The following TUSC3 variants were observed in gnomAD, a reference collection of about 807,000 sequenced individuals.
The protein encoded by TUSC3 is tumor suppressor candidate 3.
A neutral mutation model predicts 44.8 loss-of-function variants in TUSC3; 45 were observed. The observed-to-expected ratio is 1.00, with a 90% CI of 0.79 to 1.29. The LOEUF (loss-of-function observed/expected upper bound fraction) is 1.29. TUSC3 is among the 50% of genes most tolerant of loss of function. The pLI is 0.00. For missense variants in TUSC3, 519 were observed against 437.9 expected, an observed-to-expected ratio of 1.19 and a Z score of -1.65; for synonymous variants, 212 against 152.9, an observed-to-expected ratio of 1.39 and a Z score of -2.85.
chr8:15,637,947 A>G (rs1333927203), intron 2 of TUSC3, among the ~76,000 whole-genome samples: 1 of 151,984 alleles, frequency 6.6e-6, no homozygotes, highest in African/African-American at 2.4e-5. Flanking sequence ...TCACTCTATC[A>G]CCAACCCACT....
At chr8:15,580,816 G>T (rs1221334565) in intron 1 of TUSC3, among the ~76,000 whole-genome samples, 11 of 138,022 alleles carry the variant, frequency 8.0e-5, no homozygotes, top group Non-Finnish European at 1.3e-4. Flanking sequence ...TCTTCTCGAG[G>T]AGTATCTTTG....
At chr8:15,791,263 C>T in the TUSC3 span, among the ~76,000 whole-genome samples, 1 of 143,570 alleles carries the variant, frequency 7.0e-6, no homozygotes, top group Admixed American at 7.2e-5. Flanking sequence ...CAACCAGCCT[C>T]TTAGCGCCCC....
the TUSC3 span, among the ~76,000 whole-genome samples, chr8:15,802,045 G>C: frequency 3.3e-5 from 5 of 152,160 alleles, no homozygotes; most frequent in Non-Finnish European, 7.3e-5. Flanking sequence ...AATGGGAGAG[G>C]GTGTGGAGCT....
intron 6 of TUSC3, among the ~76,000 whole-genome samples, chr8:15,707,907 G>A (rs1395714158): frequency 6.6e-6 from 1 of 151,856 alleles, no homozygotes; most frequent in Non-Finnish European, 1.5e-5. Flanking sequence ...TCTTTCTTAG[G>A]TTCTAGTAGT....
At chr8:15,632,338 C>G (rs959542043) in intron 2 of TUSC3, among the ~76,000 whole-genome samples, 2 of 152,028 alleles carry the variant, frequency 1.3e-5, no homozygotes, top group East Asian at 1.9e-4. Flanking sequence ...ATTGTTTCTT[C>G]CTGATTATAT....
intron 1 of TUSC3, among the ~76,000 whole-genome samples, chr8:15,567,066 TTTAAC>T (rs1802705525): frequency 1.3e-5 from 2 of 152,264 alleles, no homozygotes; most frequent in South Asian, 2.1e-4. Flanking sequence ...TCATGGCTCT[TTTAAC>T]TTAGTGATCT....
At chr8:15,627,429 GCTT>G (rs1805566391) in intron 2 of TUSC3, among the ~76,000 whole-genome samples, 1 of 152,254 alleles carries the variant, frequency 6.6e-6, no homozygotes, top group African/African-American at 2.4e-5. Flanking sequence ...TTGTTTGTGT[GCTT>G]CTTTCTTCCT....
At chr8:15,451,848 G>A (rs991855675) in intron 1 of TUSC3, among the ~76,000 whole-genome samples, 1 of 152,048 alleles carries the variant, frequency 6.6e-6, no homozygotes, top group South Asian at 2.1e-4. Flanking sequence ...GTAGAAAATT[G>A]CTTTGTGTGG....
intron 1 of TUSC3, among the ~76,000 whole-genome samples, chr8:15,478,259 C>A (rs1345128979): frequency 6.6e-6 from 1 of 152,044 alleles, no homozygotes; most frequent in Non-Finnish European, 1.5e-5. Context: ...AGTTACCATG[C>A]CTGGCCTTTT....
At chr8:15,750,231 G>C (rs758470230) in intron 9 of TUSC3, among the ~76,000 whole-genome samples, 68 of 151,914 alleles carry the variant, frequency 4.5e-4, no homozygotes, top group Non-Finnish European at 7.8e-4. Flanking sequence ...CACCCACCTC[G>C]GCCTCCCAAA....
Position 15,728,842 on chromosome 8 carries a change from G to A in TUSC3, c.799-1824G>A, listed in dbSNP as rs941258537. Among the ~76,000 whole-genome samples, 11 of 152,170 alleles carry A rather than the reference G, an allele frequency of 7.2e-5. No homozygotes were observed. The East Asian group carries it at 7.7e-4, about 11-fold the overall frequency. Reference sequence around the variant, plus strand: ...AGGAAAGGAACAGCCTTCTCCTTCCGGAGGAGGAGGAGCCAATGAGGTAGA... The same window carrying A: ...AGGAAAGGAACAGCCTTCTCCTTCCAGAGGAGGAGGAGCCAATGAGGTAGA... On this transcript the variant is annotated intron_variant, in intron 6 of 10. Transcript: ENST00000503731.
At chr8:15,673,167 T>C (rs1013188436) in intron 5 of TUSC3, among the ~76,000 whole-genome samples, 1 of 152,136 alleles carries the variant, frequency 6.6e-6, no homozygotes, top group African/African-American at 2.4e-5. Context: ...TTGTCTGATA[T>C]ATTCAGCAGG....
chr8:15,507,229 C>G (rs552691129), intron 2 of TUSC3, among the ~76,000 whole-genome samples: 1 of 152,238 alleles, frequency 6.6e-6, no homozygotes. Flanking sequence ...TGACATTGTT[C>G]CTGTATTTTA....
chr8:15,845,394 T>C, the TUSC3 span, among the ~76,000 whole-genome samples: 2 of 152,164 alleles, frequency 1.3e-5, no homozygotes, highest in East Asian at 3.9e-4. Context: ...TAGAATTGTA[T>C]GAAAATTTGT....
At chr8:15,791,245 A>C in the TUSC3 span, among the ~76,000 whole-genome samples, 1 of 151,622 alleles carries the variant, frequency 6.6e-6, no homozygotes, top group Non-Finnish European at 1.5e-5. Context: ...GATAATAGGC[A>C]AACTGGGCAA....
chr8:15,675,095 C>T lies in TUSC3; in HGVS notation c.798+1259C>T, dbSNP rs115382404. Among the ~76,000 whole-genome samples, 363 of 151,980 alleles carry T rather than the reference C, an allele frequency of 2.4e-3. 4 individuals carry two copies. The highest frequency in any genetic ancestry group is 8.0e-3 in the African/African-American group (332 of 41,466). On this transcript the variant is annotated intron_variant, in intron 6 of 10. Coordinates refer to ENST00000503731, the MANE Select transcript of TUSC3 (RefSeq NM_006765.4). ...AATTTATCGAATGTGTTATTTTGTCCGTTTGCCTTTTGCCATGACCCTAGT... is the reference window on the plus strand; with the variant it reads ...AATTTATCGAATGTGTTATTTTGTCTGTTTGCCTTTTGCCATGACCCTAGT...
intron 6 of TUSC3, among the ~76,000 whole-genome samples, chr8:15,708,006 C>A (rs895204003): frequency 6.6e-6 from 1 of 151,864 alleles, no homozygotes; most frequent in Non-Finnish European, 1.5e-5. Context: ...TTCTTCTGTG[C>A]TTCTCTTTGT....
At chr8:15,656,449 G>A (rs1222602542) in intron 3 of TUSC3, among the ~76,000 whole-genome samples, 1 of 152,192 alleles carries the variant, frequency 6.6e-6, no homozygotes, top group African/African-American at 2.4e-5. Context: ...AGAAAAAGGG[G>A]TAACTGGCTC....
At chr8:15,644,718 T>C (rs1023587420) in intron 2 of TUSC3, among the ~76,000 whole-genome samples, 3 of 152,104 alleles carry the variant, frequency 2.0e-5, no homozygotes, top group Non-Finnish European at 4.4e-5. Context: ...TCTTTTGTAC[T>C]CTGAAGAGAT....
Sources: gnomAD v4.1 joint callset for allele counts (sites outside exome capture counted in the v4.1 genomes callset) on GRCh38, gnomAD v4.1.1 for gene constraint, MANE v1.5 for transcripts, NCBI Gene and HGNC (gene_info 2026-07-23, HGNC 2026-07-21) for gene names.